Variants in XIRP2 observed in about 807,000 individuals in gnomAD.
XIRP2 encodes xin actin-binding repeat-containing protein 2.
A neutral mutation model predicts 277.0 loss-of-function variants in XIRP2; 236 were observed. The ratio of observed to expected loss-of-function variants is 0.85; its 90% CI spans 0.77 to 0.95. The LOEUF is 0.95. Ranked by LOEUF, XIRP2 falls within the 40% of genes least tolerant of loss-of-function variation. The probability of loss-of-function intolerance (pLI) is 0.00; values close to 1 mark genes in which losing one functional copy is unlikely to be tolerated. For missense variants in XIRP2, 4,640 were observed against 4,157.5 expected, an observed-to-expected ratio of 1.12 and a Z score of -3.19; for synonymous variants, 1,490 against 1,416.5, an observed-to-expected ratio of 1.05 and a Z score of -1.17.
intron 5 of XIRP2, among the ~76,000 whole-genome samples, chr2:167,231,318 C>G (rs1053360888): frequency 1.3e-5 from 2 of 151,860 alleles, no homozygotes; most frequent in Admixed American, 6.6e-5. Flanking sequence ...TTTATGATAC[C>G]CTTAACAGGA....
intron 3 of XIRP2, among the ~76,000 whole-genome samples, chr2:167,164,617 A>T (rs188516193): frequency 2.6e-5 from 4 of 152,170 alleles, no homozygotes; most frequent in African/African-American, 9.7e-5. Flanking sequence ...TTTACTGGCA[A>T]TAACTCAAAT....
At chr2:166,955,894 T>C (rs1686149334) in intron 2 of XIRP2, among the ~76,000 whole-genome samples, 1 of 151,772 alleles carries the variant, frequency 6.6e-6, no homozygotes, top group African/African-American at 2.4e-5. Context: ...TCCTCTCTTA[T>C]GTCAATAAAT....
intron 2 of XIRP2, among the ~76,000 whole-genome samples, chr2:167,000,387 C>T (rs1367806555): frequency 6.6e-6 from 1 of 151,996 alleles, no homozygotes; most frequent in Non-Finnish European, 1.5e-5. Flanking sequence ...TGTAGAGTTT[C>T]CTTAATTGTT....
At chr2:166,931,688 G>A (rs1304641630) in intron 2 of XIRP2, among the ~76,000 whole-genome samples, 3 of 152,022 alleles carry the variant, frequency 2.0e-5, no homozygotes, top group Admixed American at 1.3e-4. Context: ...TATTTGAGTT[G>A]TTTTCATTGT....
In XIRP2 at chr2:166,893,215, C is replaced by A. The variant is rs1007796667; in HGVS notation, c.-19+4658C>A. The stretch of plus-strand genomic sequence containing the variant: ...ACTGGTGGGAAATTTAAAAATATTC[C>A]AGAAAAATCCATAATTGTTTTAAAA... On this transcript the variant is annotated intron_variant, in intron 1 of 10. Coordinates refer to ENST00000409195, the MANE Select transcript of XIRP2 (RefSeq NM_152381.6). Among the ~76,000 whole-genome samples, 4 of 151,728 alleles carry A rather than the reference C, an allele frequency of 2.6e-5. No homozygotes were observed. The East Asian group carries it at 7.8e-4, about 29-fold the overall frequency.
At chr2:166,935,019 C>G (rs533996399) in intron 2 of XIRP2, among the ~76,000 whole-genome samples, 1 of 146,116 alleles carries the variant, frequency 6.8e-6, no homozygotes, top group African/African-American at 2.5e-5. Flanking sequence ...CGACAGAGGG[C>G]GACTCCTTCT....
intron 1 of XIRP2, among the ~76,000 whole-genome samples, chr2:166,899,147 A>G (rs1323237832): frequency 1.3e-5 from 2 of 152,156 alleles, no homozygotes; most frequent in Non-Finnish European, 2.9e-5. Context: ...TGATTTAGCT[A>G]TAGTGTTTTG....
chr2:167,137,560 TA>T (rs1291044963), intron 3 of XIRP2, among the ~76,000 whole-genome samples: 1 of 152,192 alleles, frequency 6.6e-6, no homozygotes, highest in East Asian at 1.9e-4. Context: ...CATCACATCT[TA>T]CTTCTCCTCA....
intron 2 of XIRP2, among the ~76,000 whole-genome samples, chr2:167,096,408 T>C (rs1315814601): frequency 6.6e-6 from 1 of 152,188 alleles, no homozygotes; most frequent in Non-Finnish European, 1.5e-5. Context: ...CCTTTATCAT[T>C]TTTTATTGTG....
At chr2:166,915,299 C>CAAAAAAA (rs993808427) in intron 2 of XIRP2, among the ~76,000 whole-genome samples, 48 of 39,834 alleles carry the variant, frequency 1.2e-3, no homozygotes, top group East Asian at 2.3e-3. Flanking sequence ...GACTCCGTCT[C>CAAAAAAA]AAAAAAAAAA....
At chr2:167,051,829 T>C (rs1055546129) in intron 2 of XIRP2, among the ~76,000 whole-genome samples, 2 of 152,142 alleles carry the variant, frequency 1.3e-5, no homozygotes, top group Non-Finnish European at 2.9e-5. Flanking sequence ...CAGTAAGTTA[T>C]ACAGTATTTC....
chr2:167,253,888 C>T (rs1313080171), intron 9 of XIRP2, 144 bp from the exon 10 acceptor site: 1 of 882,776 alleles, frequency 1.1e-6, no homozygotes, highest in Non-Finnish European at 1.6e-6. Flanking sequence ...TAGTCTCTGT[C>T]CAGAGAAACA....
rs189075437 is a variant in XIRP2, at chr2:166,948,126, G to C, written c.408+44236G>C. On this transcript the variant is annotated intron_variant, in intron 2 of 10. Transcript: ENST00000409195. ...GCAGTAAAATATACTTCGTATGATAGTATAACGGTGGATTCATGTCATTAT... is the reference window on the plus strand; with the variant it reads ...GCAGTAAAATATACTTCGTATGATACTATAACGGTGGATTCATGTCATTAT... Among the ~76,000 whole-genome samples, 285 of 152,208 alleles carry C rather than the reference G, an allele frequency of 1.9e-3. 4 individuals carry two copies. The highest frequency in any genetic ancestry group is 6.8e-3 in the African/African-American group (281 of 41,554).
chr2:167,257,391 T>A (rs529376538), intron 10 of XIRP2, among the ~76,000 whole-genome samples: 1 of 152,112 alleles, frequency 6.6e-6, no homozygotes, highest in African/African-American at 2.4e-5. Context: ...CATTTTAATT[T>A]TAAATCACTC....
chr2:166,945,826 C>T (rs1373926171), intron 2 of XIRP2, among the ~76,000 whole-genome samples: 1 of 151,964 alleles, frequency 6.6e-6, no homozygotes, highest in Admixed American at 6.6e-5. Flanking sequence ...CATGTGCCAC[C>T]ACACCCGGCT....
intron 2 of XIRP2, among the ~76,000 whole-genome samples, chr2:167,008,266 C>T (rs531070447): frequency 6.6e-6 from 1 of 151,446 alleles, no homozygotes; most frequent in Non-Finnish European, 1.5e-5. Context: ...ATCTGTCATT[C>T]TTCTCTCTGT....
chr2:166,958,990 T>A (rs1469140093), intron 2 of XIRP2, among the ~76,000 whole-genome samples: 1 of 151,786 alleles, frequency 6.6e-6, no homozygotes, highest in Non-Finnish European at 1.5e-5. Flanking sequence ...TTCCAGTGAC[T>A]ACTCCACATC....
intron 2 of XIRP2, among the ~76,000 whole-genome samples, chr2:167,101,218 A>G (rs1490805881): frequency 6.6e-6 from 1 of 152,206 alleles, no homozygotes; most frequent in Non-Finnish European, 1.5e-5. Flanking sequence ...TGATATAAGC[A>G]ATTTGTAAGA....
intron 3 of XIRP2, among the ~76,000 whole-genome samples, chr2:167,182,686 T>C (rs188185567): frequency 2.8e-3 from 426 of 152,294 alleles, no homozygotes; most frequent in African/African-American, 9.2e-3. Flanking sequence ...TCAGTTTCTT[T>C]CTATAAAATG....
Sources: allele counts gnomAD v4.1 joint callset (sites outside exome capture counted in the v4.1 genomes callset), GRCh38; gene constraint gnomAD v4.1.1; transcripts MANE v1.5; gene names NCBI Gene and HGNC (gene_info 2026-07-23, HGNC 2026-07-21).